GTF2IRD1: variants seen among roughly 807,000 people sequenced by gnomAD.
The protein encoded by GTF2IRD1 is GTF2I repeat domain containing 1.
Under a neutral mutation model 113.2 loss-of-function variants are expected in GTF2IRD1, and 26 were observed. The ratio of observed to expected loss-of-function variants is 0.23; its 90% CI spans 0.17 to 0.32. GTF2IRD1 has a LOEUF of 0.32. GTF2IRD1 is among the 10% of genes least tolerant of loss of function. The pLI, the probability that GTF2IRD1 is intolerant of heterozygous loss-of-function variation, is 1.00. For synonymous variants in GTF2IRD1, 484 were observed against 529.1 expected, an observed-to-expected ratio of 0.91 and a Z score of 1.17; for missense variants, 864 against 1,280.8, an observed-to-expected ratio of 0.67 and a Z score of 4.97.
rs782751147 is a variant in GTF2IRD1, at chr7:74,538,088, T to C, written c.1410-48T>C. ...CTGGAGGGGCAAGGCTGGGGCAGGG[T>C]GGCCCTGGACTTGGCTGACAGGTGT... On this transcript the variant is annotated intron_variant, in intron 11 of 26. Coordinates refer to ENST00000424337, the MANE Select transcript of GTF2IRD1 (RefSeq NM_005685.4). The C allele has an allele frequency of 8.8e-6, 14 of 1,594,240 alleles. No homozygotes were observed. The African/African-American group carries it at 1.2e-4, about 14-fold the overall frequency.
intron 1 of GTF2IRD1, among the ~76,000 whole-genome samples, chr7:74,486,724 C>T (rs1490071278): frequency 2.0e-5 from 3 of 151,866 alleles, no homozygotes; most frequent in Admixed American, 2.0e-4. Flanking sequence ...ATAGTCCCAG[C>T]TACTCAGGAA....
intron 25 of GTF2IRD1, among the ~76,000 whole-genome samples, chr7:74,600,255 C>T (rs1369375286): frequency 6.6e-6 from 1 of 151,872 alleles, no homozygotes; most frequent in African/African-American, 2.4e-5. Flanking sequence ...CATAATGATG[C>T]AGAAATACAA....
At chr7:74,535,858 A>T (rs1252750053) in intron 10 of GTF2IRD1, among the ~76,000 whole-genome samples, 2 of 152,206 alleles carry the variant, frequency 1.3e-5, no homozygotes, top group African/African-American at 4.8e-5. Context: ...CTGAGGGCTC[A>T]GCCCCCATAG....
At position 74,487,170 on chromosome 7, in the gene GTF2IRD1, C is replaced by G. The variant is rs930622419; in HGVS notation, c.-6-20905C>G. Among the ~76,000 whole-genome samples the G allele has an allele frequency of 6.4e-4, 97 of 152,164 alleles. 1 individual carries two copies. The highest frequency in any genetic ancestry group is 6.4e-3 in the Admixed American group (97 of 15,264). On this transcript the variant is annotated intron_variant, in intron 1 of 26. Transcript: ENST00000424337. ...CTCCCTGCCTCAGCCTCCCAAGTAG[C>G]TAGAATTACAGGCACCCAACACCAT...
At chr7:74,569,856 A>AG (rs1156853565) in intron 22 of GTF2IRD1, among the ~76,000 whole-genome samples, 3 of 152,116 alleles carry the variant, frequency 2.0e-5, no homozygotes, top group Non-Finnish European at 4.4e-5. Context: ...AGACACATCC[A>AG]GGGGCCCATA....
intron 22 of GTF2IRD1, chr7:74,571,210 C>A: frequency 1.4e-6 from 1 of 694,140 alleles, no homozygotes; most frequent in Non-Finnish European, 1.8e-6. Flanking sequence ...CTCAGTTTCC[C>A]TACTTGTAAA....
At chr7:74,507,816 G>T in intron 1 of GTF2IRD1, 1 of 422,600 alleles carries the variant, frequency 2.4e-6, no homozygotes, top group Non-Finnish European at 4.3e-6. Flanking sequence ...CAACAGACTG[G>T]TCCTGGTGCT....
At chr7:74,574,150 A>ATTTTTTTTTTTTTTTTTTT (rs71094796) in intron 22 of GTF2IRD1, among the ~76,000 whole-genome samples, 6 of 104,826 alleles carry the variant, frequency 5.7e-5, no homozygotes, top group African/African-American at 7.3e-5. Context: ...CACCAAGCTA[A>ATTTTTTTTTTTTTTTTTTT]TTTTTTTTTT....
chr7:74,597,345 T>A (rs1296913606), intron 25 of GTF2IRD1, among the ~76,000 whole-genome samples: 1 of 146,850 alleles, frequency 6.8e-6, no homozygotes, highest in Non-Finnish European at 1.5e-5. Flanking sequence ...ACCGGCCTTT[T>A]TTTTTTTTTT....
chr7:74,591,024 G>A lies in GTF2IRD1; in HGVS notation c.2591+7G>A. 1 of 1,601,206 alleles carries A rather than the reference G, an allele frequency of 6.2e-7. No individual in the cohort carries two copies. The highest frequency in any genetic ancestry group is 8.5e-7 in the Non-Finnish European group (1 of 1,170,978). The stretch of plus-strand genomic sequence containing the variant: ...TCATCATTAACCAGCTCCAGTGAGT[G>A]CCCGGCCTCTGGAACGGGGAACAGA... On this transcript the variant is annotated splice_region_variant and intron_variant, in intron 24 of 26. Transcript: ENST00000424337.
At chr7:74,479,104 G>C (rs1423185285) in intron 1 of GTF2IRD1, among the ~76,000 whole-genome samples, 1 of 152,022 alleles carries the variant, frequency 6.6e-6, no homozygotes, top group Non-Finnish European at 1.5e-5. Context: ...GCTGTCTCTG[G>C]CCTGGGCTGT....
At chr7:74,548,634 C>G (rs2130692631) in intron 17 of GTF2IRD1, among the ~76,000 whole-genome samples, 1 of 151,412 alleles carries the variant, frequency 6.6e-6, no homozygotes, top group East Asian at 2.0e-4. Context: ...TCTGGTGTGG[C>G]AGCACATGCC....
intron 1 of GTF2IRD1, among the ~76,000 whole-genome samples, chr7:74,457,918 G>A (rs558395132): frequency 2.8e-5 from 4 of 144,158 alleles, no homozygotes; most frequent in East Asian, 2.0e-4. Flanking sequence ...TCACTTTGTC[G>A]CCCAGGCTGG....
intron 1 of GTF2IRD1, among the ~76,000 whole-genome samples, chr7:74,496,789 A>G (rs1795759947): frequency 6.6e-6 from 1 of 151,934 alleles, no homozygotes; most frequent in Non-Finnish European, 1.5e-5. Flanking sequence ...TGTCCTCTCT[A>G]GTCTTAGGAA....
chr7:74,496,956 G>A (rs1007933808), intron 1 of GTF2IRD1, among the ~76,000 whole-genome samples: 4 of 152,064 alleles, frequency 2.6e-5, no homozygotes, highest in African/African-American at 9.7e-5. Context: ...GAGGCCAGGT[G>A]TTCAAGGCCA....
At chr7:74,577,156 G>A (rs1801123474) in intron 22 of GTF2IRD1, among the ~76,000 whole-genome samples, 1 of 152,144 alleles carries the variant, frequency 6.6e-6, no homozygotes, top group Admixed American at 6.5e-5. Flanking sequence ...TCCTGCCTCA[G>A]CCTCCTGAGT....
chr7:74,488,981 A>C (rs1201182684), intron 1 of GTF2IRD1, among the ~76,000 whole-genome samples: 1 of 151,800 alleles, frequency 6.6e-6, no homozygotes, highest in Non-Finnish European at 1.5e-5. Context: ...GTCTCTACTA[A>C]AAATACAAAA....
chr7:74,457,881 T>C (rs1221029848), intron 1 of GTF2IRD1, among the ~76,000 whole-genome samples: 1 of 148,354 alleles, frequency 6.7e-6, no homozygotes. Context: ...GTTTTTGTTT[T>C]TTTTTTTTTT....
intron 1 of GTF2IRD1, among the ~76,000 whole-genome samples, chr7:74,503,260 GGT>G (rs1346134033): frequency 6.6e-6 from 1 of 152,146 alleles, no homozygotes; most frequent in Non-Finnish European, 1.5e-5. Context: ...CTGAACAGCA[GGT>G]GTTGGCAGCA....
Sources: allele counts gnomAD v4.1 joint callset (sites outside exome capture counted in the v4.1 genomes callset), GRCh38; gene constraint gnomAD v4.1.1; transcripts MANE v1.5; gene names NCBI Gene and HGNC (gene_info 2026-07-23, HGNC 2026-07-21).